Variants in PALS1 observed in about 807,000 individuals in gnomAD.
The protein encoded by PALS1 is protein associated with LIN7 1, MAGUK p55 family member.
A neutral mutation model predicts 78.9 loss-of-function variants in PALS1; 31 were observed. The observed-to-expected ratio is 0.39, with a 90% confidence interval of 0.30 to 0.53. The LOEUF (loss-of-function observed/expected upper bound fraction) is 0.53. Among genes scored for constraint, PALS1 ranks in the 20% least tolerant of loss-of-function variants. The pLI is 0.67. For synonymous variants in PALS1, 276 were observed against 270.9 expected (o/e 1.02, Z -0.18); for missense variants, 704 against 826.5 (o/e 0.85, Z 1.82).
chr14:67,321,705 C>G lies in PALS1; in HGVS notation c.1740+446C>G, dbSNP rs114707378. On this transcript the variant is annotated intron_variant, in intron 13 of 14. Coordinates refer to ENST00000261681, the MANE Select transcript of PALS1 (RefSeq NM_022474.4). ...CCTGTATTTTGACTATGACCCGTCA[C>G]ATGAGGCCAGGGTAACGTTTTCCAC... Among the ~76,000 whole-genome samples the G allele has an allele frequency of 3.3e-4, 50 of 152,290 alleles. 1 individual carries two copies. Among genetic ancestry groups the G allele is most frequent in the African/African-American group, 1.2e-3 (50 of 41,570 alleles).
intron 1 of PALS1, among the ~76,000 whole-genome samples, chr14:67,253,166 T>G (rs2140452432): frequency 6.6e-6 from 1 of 152,344 alleles, no homozygotes; most frequent in Non-Finnish European, 1.5e-5. Flanking sequence ...GCCTGATTCC[T>G]TATCTGCAGA....
intron 4 of PALS1, among the ~76,000 whole-genome samples, chr14:67,297,810 C>T (rs949142267): frequency 4.6e-5 from 7 of 152,218 alleles, no homozygotes; most frequent in African/African-American, 1.7e-4. Context: ...ATTTGTCAGA[C>T]ATTCTGCCAA....
rs185362506 is a variant in PALS1, at chr14:67,325,592, T to G, written c.1851+1780T>G. 7.0e-4 allele frequency among the ~76,000 whole-genome samples: 106 copies of G among 152,240 alleles called. 3 individuals carry two copies. The highest frequency in any genetic ancestry group is 1.9e-3 in the Admixed American group (29 of 15,296). On this transcript the variant is annotated intron_variant, in intron 14 of 14. Transcript: ENST00000261681. The stretch of plus-strand genomic sequence containing the variant: ...GAGATTAATACTGTGTAAAATTTAG[T>G]GTCCAATAACTACTTTGGTAGAACA...
intron 1 of PALS1, among the ~76,000 whole-genome samples, chr14:67,246,865 T>C (rs1452117248): frequency 3.9e-5 from 6 of 152,098 alleles, no homozygotes; most frequent in African/African-American, 1.4e-4. Context: ...TTGGCCAGGA[T>C]GGTCTTGATC....
chr14:67,253,968 T>G (rs568567081), intron 1 of PALS1, among the ~76,000 whole-genome samples: 84 of 151,418 alleles, frequency 5.5e-4, no homozygotes, highest in Non-Finnish European at 8.7e-4. Flanking sequence ...GTTTTGTTTT[T>G]TTTTTTCCAT....
intron 1 of PALS1, among the ~76,000 whole-genome samples, chr14:67,259,880 G>GAA (rs33951454): frequency 6.3e-5 from 7 of 111,940 alleles, no homozygotes; most frequent in Non-Finnish European, 1.1e-4. Context: ...CTCCATCTAA[G>GAA]AAAAAAAAAA....
Position 67,333,012 on chromosome 14 carries a change from G to C in PALS1, c.*56G>C. 1 of 1,502,888 alleles carries C rather than the reference G, an allele frequency of 6.7e-7. No individual in the cohort carries two copies. Among genetic ancestry groups the C allele is most frequent in the African/African-American group, 1.4e-5 (1 of 72,800 alleles). 93.1% of individuals were successfully genotyped at this position (1,502,888 alleles called of 1,614,324 possible). On this transcript the variant is annotated 3_prime_UTR_variant, in exon 15 of 15. Transcript: ENST00000261681. ...TTGATCTGGCAAAAACTGCCAATAGGAGGACTGCCCGACACTGCAGCAAGA... is the reference window on the plus strand; with the variant it reads ...TTGATCTGGCAAAAACTGCCAATAGCAGGACTGCCCGACACTGCAGCAAGA...
intron 14 of PALS1, among the ~76,000 whole-genome samples, chr14:67,325,334 T>C (rs1284100582): frequency 6.6e-6 from 1 of 152,220 alleles, no homozygotes; most frequent in Non-Finnish European, 1.5e-5. Context: ...AGAAATGATA[T>C]ATATATATCA....
chr14:67,309,838 T>C (rs1216172582), intron 8 of PALS1, among the ~76,000 whole-genome samples: 1 of 152,138 alleles, frequency 6.6e-6, no homozygotes, highest in Non-Finnish European at 1.5e-5. Flanking sequence ...AAAAACACTT[T>C]GAAAAACAAC....
chr14:67,255,188 T>C (rs954885843), intron 1 of PALS1, among the ~76,000 whole-genome samples: 8 of 152,156 alleles, frequency 5.3e-5, no homozygotes, highest in Non-Finnish European at 1.5e-5. Context: ...AATGCTTTTT[T>C]AGAAGCCTGA....
At chr14:67,278,329 C>T (rs571691664) in intron 2 of PALS1, among the ~76,000 whole-genome samples, 2 of 151,024 alleles carry the variant, frequency 1.3e-5, no homozygotes, top group African/African-American at 2.5e-5. Flanking sequence ...AGCCACTGCA[C>T]CCGGCCCAAT....
intron 8 of PALS1, among the ~76,000 whole-genome samples, chr14:67,304,611 T>C (rs962766753): frequency 1.3e-5 from 2 of 152,198 alleles, no homozygotes; most frequent in East Asian, 1.9e-4. Context: ...GAAAGCAGAT[T>C]AGTAATTCCT....
intron 2 of PALS1, among the ~76,000 whole-genome samples, chr14:67,272,574 C>T (rs559521809): frequency 1.8e-4 from 27 of 152,252 alleles, no homozygotes; most frequent in Admixed American, 1.5e-3. Context: ...CTTCTTTCTC[C>T]TCCTCCTCCT....
At chr14:67,252,692 A>AC (rs1312871459) in intron 1 of PALS1, among the ~76,000 whole-genome samples, 1 of 152,204 alleles carries the variant, frequency 6.6e-6, no homozygotes, top group Non-Finnish European at 1.5e-5. Context: ...GAAAAGACCC[A>AC]CACATTTGAT....
At chr14:67,271,581 T>C (rs1023182566) in intron 2 of PALS1, 1 of 152,040 alleles carries the variant, frequency 6.6e-6, no homozygotes, top group East Asian at 1.9e-4. Flanking sequence ...CTTAAAAGAG[T>C]AGGCAAAGAT....
intron 1 of PALS1, among the ~76,000 whole-genome samples, chr14:67,243,560 T>C (rs1289122515): frequency 6.9e-6 from 1 of 145,140 alleles, no homozygotes; most frequent in African/African-American, 2.6e-5. Flanking sequence ...TGGCGCAATC[T>C]CGGCTCACTG....
chr14:67,274,979 T>C (rs1448471623), intron 2 of PALS1, among the ~76,000 whole-genome samples: 1 of 152,246 alleles, frequency 6.6e-6, no homozygotes, highest in East Asian at 1.9e-4. Flanking sequence ...TTTTGTATCC[T>C]GAGACTTTGC....
At position 67,305,286 on chromosome 14, in the gene PALS1, A is replaced by AT. The variant is rs566968388; in HGVS notation, c.1041+1699dup. On this transcript the variant is annotated intron_variant, in intron 8 of 14. Transcript: ENST00000261681. ...GAGAATAAATGTCAGAAGTTAAGAC[A>AT]TTTTTTTTTTTTGAGGTGGGATCTG... Among the ~76,000 whole-genome samples the AT allele has an allele frequency of 4.1e-3, 602 of 146,928 alleles. 18 individuals are homozygous for AT. The South Asian group carries it at 0.053, about 13-fold the overall frequency.
chr14:67,253,696 A>G (rs929509517), intron 1 of PALS1, among the ~76,000 whole-genome samples: 1 of 152,044 alleles, frequency 6.6e-6, no homozygotes, highest in Non-Finnish European at 1.5e-5. Flanking sequence ...AATACAAAAA[A>G]ATTAGCTGGG....
Sources: gnomAD v4.1 joint callset for allele counts (sites outside exome capture counted in the v4.1 genomes callset) on GRCh38, gnomAD v4.1.1 for gene constraint, MANE v1.5 for transcripts, NCBI Gene and HGNC (gene_info 2026-07-23, HGNC 2026-07-21) for gene names.